The following SLC8A1 variants were observed in gnomAD, a reference collection of about 807,000 sequenced individuals.
SLC8A1 encodes the protein solute carrier family 8 member A1.
Under a neutral mutation model 68.3 loss-of-function variants are expected in SLC8A1, and 18 were observed. The observed-to-expected ratio is 0.26, with a 90% CI of 0.18 to 0.39. The LOEUF (loss-of-function observed/expected upper bound fraction) is 0.39. SLC8A1 is among the 10% of genes least tolerant of loss of function. The probability of loss-of-function intolerance (pLI) is 1.00; values close to 1 mark genes in which losing one functional copy is unlikely to be tolerated. For missense variants in SLC8A1, 985 were observed against 1,156.7 expected, an observed-to-expected ratio of 0.85 and a Z score of 2.15; for synonymous variants, 475 against 415.5, an observed-to-expected ratio of 1.14 and a Z score of -1.74.
At chr2:40,155,468 G>T (rs1182694360) in intron 6 of SLC8A1, among the ~76,000 whole-genome samples, 1 of 152,056 alleles carries the variant, frequency 6.6e-6, no homozygotes, top group Non-Finnish European at 1.5e-5. Flanking sequence ...ATTTTCAGAT[G>T]ACCTAAGGCT....
At chr2:40,454,264 T>G (rs1281233912), upstream of SLC8A1, among the ~76,000 whole-genome samples, 1 of 152,114 alleles carries the variant, frequency 6.6e-6, no homozygotes, top group Non-Finnish European at 1.5e-5. Flanking sequence ...CACAGCCAAA[T>G]GAAGGAACCA....
At chr2:40,291,174 T>G (rs2069238996) in intron 2 of SLC8A1, among the ~76,000 whole-genome samples, 1 of 152,182 alleles carries the variant, frequency 6.6e-6, no homozygotes, top group South Asian at 2.1e-4. Context: ...TTCTTTTCAG[T>G]CATGAAGAAG....
At chr2:40,480,713 G>A (rs573112157) in intron 1 of SLC8A1, among the ~76,000 whole-genome samples, 16 of 152,238 alleles carry the variant, frequency 1.1e-4, no homozygotes, top group Non-Finnish European at 1.8e-4. Flanking sequence ...AAGTTGTGCT[G>A]GGCATGTCAA....
chr2:40,163,542 T>A (rs1393003005), intron 5 of SLC8A1, among the ~76,000 whole-genome samples: 1 of 152,106 alleles, frequency 6.6e-6, no homozygotes, highest in East Asian at 1.9e-4. Flanking sequence ...AAATGGACAG[T>A]CTGAGATTCC....
chr2:40,277,595 T>C (rs1486852948), intron 2 of SLC8A1, among the ~76,000 whole-genome samples: 1 of 151,700 alleles, frequency 6.6e-6, no homozygotes, highest in Non-Finnish European at 1.5e-5. Flanking sequence ...AGCTACCTTA[T>C]AAGGTTTTCA....
intron 2 of SLC8A1, among the ~76,000 whole-genome samples, chr2:40,299,689 C>T (rs1247207361): frequency 6.6e-6 from 1 of 152,190 alleles, no homozygotes; most frequent in Non-Finnish European, 1.5e-5. Context: ...CTCTATGCTA[C>T]ACCTGCAACA....
intron 2 of SLC8A1, among the ~76,000 whole-genome samples, chr2:40,415,519 C>T (rs548735231): frequency 1.3e-5 from 2 of 152,016 alleles, no homozygotes; most frequent in African/African-American, 2.4e-5. Flanking sequence ...TCCATTGCCA[C>T]TAATCTAATT....
At chr2:40,359,477 G>A (rs1040437270) in intron 2 of SLC8A1, among the ~76,000 whole-genome samples, 25 of 152,104 alleles carry the variant, frequency 1.6e-4, no homozygotes, top group African/African-American at 4.8e-4. Context: ...GAGGCTTTAC[G>A]AAGAGAGACA....
At chr2:40,379,059 A>G (rs1451339582) in intron 2 of SLC8A1, among the ~76,000 whole-genome samples, 3 of 152,112 alleles carry the variant, frequency 2.0e-5, no homozygotes, top group Admixed American at 6.6e-5. Flanking sequence ...TTTTACCGCC[A>G]GTTTCCAGAA....
chr2:40,427,780 C>T, intron 2 of SLC8A1, among the ~76,000 whole-genome samples: 1 of 152,166 alleles, frequency 6.6e-6, no homozygotes, highest in East Asian at 1.9e-4. Flanking sequence ...TTTCTCTCTC[C>T]ATCACTGTAT....
chr2:40,447,592 A>T (rs1403288316), intron 1 of SLC8A1, among the ~76,000 whole-genome samples: 1 of 35,016 alleles, frequency 2.9e-5, no homozygotes, highest in Non-Finnish European at 4.1e-5. Flanking sequence ...CCAAGTTAAA[A>T]AAAAAAAAAA....
chr2:40,372,403 T>C (rs1037525028), intron 2 of SLC8A1, among the ~76,000 whole-genome samples: 2 of 152,100 alleles, frequency 1.3e-5, no homozygotes, highest in African/African-American at 4.8e-5. Context: ...CACGTGACAC[T>C]TTCCTTTTTA....
At chr2:40,327,499 T>C (rs2075960392) in intron 2 of SLC8A1, among the ~76,000 whole-genome samples, 1 of 152,210 alleles carries the variant, frequency 6.6e-6, no homozygotes, top group Non-Finnish European at 1.5e-5. Flanking sequence ...GCATGTTCTT[T>C]CTGCAAATCA....
chr2:40,265,504 A>G (rs1326081672), intron 2 of SLC8A1, among the ~76,000 whole-genome samples: 3 of 152,188 alleles, frequency 2.0e-5, no homozygotes, highest in Non-Finnish European at 4.4e-5. Flanking sequence ...AAAAGTTGGT[A>G]GAGGTGGGCA....
intron 1 of SLC8A1, among the ~76,000 whole-genome samples, chr2:40,502,053 A>G (rs1205436917): frequency 6.6e-6 from 1 of 152,054 alleles, no homozygotes; most frequent in Non-Finnish European, 1.5e-5. Context: ...ATCCATAGCA[A>G]TCCTCCAACA....
chr2:40,451,542 A>G (rs961890107), intron 1 of SLC8A1, among the ~76,000 whole-genome samples: 25 of 152,132 alleles, frequency 1.6e-4, no homozygotes, highest in Admixed American at 9.8e-4. Flanking sequence ...GGGTGGACTT[A>G]GCTCTTCGCG....
At chr2:40,462,175 T>C (rs145490793) in intron 1 of SLC8A1, among the ~76,000 whole-genome samples, 1,921 of 151,578 alleles carry the variant, frequency 0.013, 34 homozygotes, top group African/African-American at 0.044. Context: ...CCTGGCTAAT[T>C]TTTGTATTTT....
chr2:40,453,837 C>T (rs1702827049), upstream of SLC8A1, among the ~76,000 whole-genome samples: 1 of 152,182 alleles, frequency 6.6e-6, no homozygotes, highest in South Asian at 2.1e-4. Flanking sequence ...TGAATGAGGA[C>T]CTCACTTTAA....
chr2:40,388,463 C>A (rs1410881137), intron 2 of SLC8A1, among the ~76,000 whole-genome samples: 2 of 152,124 alleles, frequency 1.3e-5, no homozygotes, highest in African/African-American at 2.4e-5. Flanking sequence ...TCCTTTGATA[C>A]TAACTTCAAG....
Sources: gnomAD v4.1 joint callset for allele counts (sites outside exome capture counted in the v4.1 genomes callset) on GRCh38, gnomAD v4.1.1 for gene constraint, MANE v1.5 for transcripts, NCBI Gene and HGNC (gene_info 2026-07-23, HGNC 2026-07-21) for gene names.